The following SUCLG2 variants were observed in gnomAD, a reference collection of about 807,000 sequenced individuals.
SUCLG2 encodes the protein succinate--CoA ligase [GDP-forming] subunit beta, mitochondrial.
In SUCLG2, 42 loss-of-function variants were observed where a neutral mutation model predicts 47.9. That is an observed-to-expected ratio of 0.88 (90% CI 0.69 to 1.14). SUCLG2 has a LOEUF of 1.14. Ranked by LOEUF, SUCLG2 falls within the 50% of genes most tolerant of loss-of-function variation. SUCLG2 has a pLI of 0.00. For synonymous variants in SUCLG2, 195 were observed against 197.3 expected, an observed-to-expected ratio of 0.99 and a Z score of 0.10; for missense variants, 571 against 525.9, an observed-to-expected ratio of 1.09 and a Z score of -0.84.
At chr3:67,627,316 G>A (rs1700850467) in intron 1 of SUCLG2, among the ~76,000 whole-genome samples, 1 of 152,140 alleles carries the variant, frequency 6.6e-6, no homozygotes. Context: ...CTGCAAAACA[G>A]GACAAAGTAC....
chr3:67,639,072 G>GA (rs1701054810), intron 1 of SUCLG2, among the ~76,000 whole-genome samples: 1 of 152,152 alleles, frequency 6.6e-6, no homozygotes, highest in Non-Finnish European at 1.5e-5. Flanking sequence ...TGTGTCCAGA[G>GA]AAAAGAAGAG....
intron 1 of SUCLG2, among the ~76,000 whole-genome samples, chr3:67,627,534 G>A (rs952046817): frequency 5.9e-5 from 9 of 152,190 alleles, no homozygotes; most frequent in Admixed American, 3.3e-4. Context: ...TTTTGTCTCA[G>A]CTCCAAAATC....
At chr3:67,373,128 T>C (rs1701975573), downstream of SUCLG2, among the ~76,000 whole-genome samples, 1 of 152,214 alleles carries the variant, frequency 6.6e-6, no homozygotes, top group Admixed American at 6.5e-5. Flanking sequence ...CTTATTTTAA[T>C]TTTGAACATA....
intron 2 of SUCLG2, among the ~76,000 whole-genome samples, chr3:67,576,311 A>G (rs1707740204): frequency 6.6e-6 from 1 of 152,182 alleles, no homozygotes; most frequent in African/African-American, 2.4e-5. Flanking sequence ...CTCTCTGAAG[A>G]GAGAGACACA....
intron 2 of SUCLG2, among the ~76,000 whole-genome samples, chr3:67,582,586 A>T (rs772856596): frequency 1.3e-5 from 2 of 152,184 alleles, no homozygotes; most frequent in Non-Finnish European, 2.9e-5. Flanking sequence ...ATATATGTGC[A>T]TGTGTCTTCA....
At position 67,484,595 on chromosome 3, in the gene SUCLG2, G is replaced by A. The variant is rs546614951; in HGVS notation, c.1062+11203C>T. ...TACCTTGGGTATTTTTAAAGAATAT[G>A]GAGCAAAAAGCAACAAGAAATGTGG... On this transcript the variant is annotated intron_variant, in intron 9 of 10. Transcript: ENST00000307227. Among the ~76,000 whole-genome samples, 6 of 152,162 alleles carry A rather than the reference G, an allele frequency of 3.9e-5. No homozygotes were observed. The South Asian group carries it at 8.3e-4, about 21-fold the overall frequency.
intron 1 of SUCLG2, among the ~76,000 whole-genome samples, chr3:67,627,302 T>C (rs943511586): frequency 4.6e-5 from 7 of 152,206 alleles, no homozygotes; most frequent in Non-Finnish European, 7.3e-5. Flanking sequence ...GGAAATGCCA[T>C]AGACTGCAAA....
Position 67,478,576 on chromosome 3 carries a change from T to C in SUCLG2, c.1062+17222A>G, listed in dbSNP as rs558481084. ...CCTTGATCCCTGGTTGTTTTCACTG[T>C]TCTCTCCGTACTTTCATTAACATGT... On this transcript the variant is annotated intron_variant, in intron 9 of 10. Transcript: ENST00000307227. Among the ~76,000 whole-genome samples, 3 of 152,382 alleles carry C rather than the reference T, an allele frequency of 2.0e-5. No homozygotes were observed. In the South Asian group the frequency reaches 6.2e-4, roughly 32 times the overall value.
At chr3:67,363,492 G>A (rs1438960996) in intron 10 of SUCLG2, among the ~76,000 whole-genome samples, 2 of 152,064 alleles carry the variant, frequency 1.3e-5, no homozygotes, top group Admixed American at 6.5e-5. Context: ...CTAGAAAAAC[G>A]CCCGTCATAC....
Position 67,491,689 on chromosome 3 carries a change from G to A in SUCLG2, c.1062+4109C>T, listed in dbSNP as rs545671227. Among the ~76,000 whole-genome samples, 4 of 152,248 alleles carry A rather than the reference G, an allele frequency of 2.6e-5. No individual in the cohort carries two copies. The South Asian group carries it at 8.3e-4, about 32-fold the overall frequency. ...TATTTCTTGATCTGGCTGGAGGTTA[G>A]ATGATATGTTCACTTTGTAATAATT... On this transcript the variant is annotated intron_variant, in intron 9 of 10. Transcript: ENST00000307227.
chr3:67,398,117 C>T (rs1301595809), intron 10 of SUCLG2, among the ~76,000 whole-genome samples: 4 of 150,144 alleles, frequency 2.7e-5, no homozygotes, highest in Non-Finnish European at 5.9e-5. Context: ...TGGACAAGGA[C>T]TTCATGTGTA....
At chr3:67,542,804 AG>A (rs1177073592) in intron 2 of SUCLG2, among the ~76,000 whole-genome samples, 10 of 152,170 alleles carry the variant, frequency 6.6e-5, no homozygotes, top group African/African-American at 2.2e-4. Context: ...CCAAAACAAG[AG>A]CACCCAGATG....
chr3:67,546,836 G>C (rs898382675), intron 2 of SUCLG2, among the ~76,000 whole-genome samples: 2 of 152,186 alleles, frequency 1.3e-5, no homozygotes, highest in Admixed American at 1.3e-4. Context: ...GGGAGGCAGA[G>C]GTTGCAGCGA....
intron 9 of SUCLG2, among the ~76,000 whole-genome samples, chr3:67,431,191 GC>G (rs1703470491): frequency 6.6e-6 from 1 of 152,042 alleles, no homozygotes; most frequent in Non-Finnish European, 1.5e-5. Context: ...GAACATCGAG[GC>G]AAAAATCCTC....
At chr3:67,616,135 A>C (rs1392543367) in intron 1 of SUCLG2, among the ~76,000 whole-genome samples, 4 of 152,048 alleles carry the variant, frequency 2.6e-5, no homozygotes, top group African/African-American at 9.7e-5. Context: ...GAGATGGTGG[A>C]ATCACAGGTG....
intron 2 of SUCLG2, among the ~76,000 whole-genome samples, chr3:67,583,878 G>T (rs995986281): frequency 6.6e-6 from 1 of 152,084 alleles, no homozygotes; most frequent in Non-Finnish European, 1.5e-5. Flanking sequence ...GCTTTTAAGG[G>T]CTTATGTGAT....
chr3:67,376,535 G>A lies in SUCLG2; in HGVS notation c.1184-676C>T, dbSNP rs1336864817. On this transcript the variant is annotated intron_variant, in intron 10 of 10. Coordinates refer to ENST00000307227, the MANE Select transcript of SUCLG2 (RefSeq NM_003848.4). ...AGGAGAAATGTAATAGAATTTAAGT[G>A]TCTAATGAAATATCTCATCCTACAT... 2.5e-5 allele frequency: 24 copies of A among 965,644 alleles called. No individual in the cohort carries two copies. The Admixed American group carries it at 1.5e-3, about 60-fold the overall frequency. The allele number at this position is 965,644 out of a possible 1,614,324, so 59.8% of individuals were successfully genotyped here.
At chr3:67,573,741 A>G (rs1366249264) in intron 2 of SUCLG2, among the ~76,000 whole-genome samples, 1 of 152,024 alleles carries the variant, frequency 6.6e-6, no homozygotes. Context: ...GAAGCGCTCT[A>G]TCAGGGACTT....
rs188468205 is a variant in SUCLG2 at position 67,448,600 on chromosome 3, G to T, written c.1062+47198C>A. Among the ~76,000 whole-genome samples the T allele has an allele frequency of 6.3e-4, 96 of 152,286 alleles. 1 individual carries two copies. The highest frequency in any genetic ancestry group is 3.4e-3 in the Middle Eastern group (1 of 294). Reference sequence around the variant, plus strand: ...GGGTTTTGCCATGTTGGCCAGGCTGGTCTCAAATTCCCGACCTCAGGAGTA... The same window carrying T: ...GGGTTTTGCCATGTTGGCCAGGCTGTTCTCAAATTCCCGACCTCAGGAGTA... On this transcript the variant is annotated intron_variant, in intron 9 of 10. Coordinates refer to ENST00000307227, the MANE Select transcript of SUCLG2 (RefSeq NM_003848.4).
Sources: gnomAD v4.1 joint callset for allele counts (sites outside exome capture counted in the v4.1 genomes callset) on GRCh38, gnomAD v4.1.1 for gene constraint, MANE v1.5 for transcripts, NCBI Gene and HGNC (gene_info 2026-07-23, HGNC 2026-07-21) for gene names.